CHST10: variants seen among roughly 807,000 people sequenced by gnomAD.
CHST10 encodes HNK-1 sulfotransferase.
A neutral mutation model predicts 34.7 loss-of-function variants in CHST10; 24 were observed. That is an observed-to-expected ratio of 0.69 (90% confidence interval 0.50 to 0.97). CHST10 has a LOEUF of 0.97. Ranked by LOEUF, CHST10 falls within the 50% of genes least tolerant of loss-of-function variation. The pLI, the probability that CHST10 is intolerant of heterozygous loss-of-function variation, is 0.00. For missense variants in CHST10, 402 were observed against 452.1 expected, an observed-to-expected ratio of 0.89 and a Z score of 1.00; for synonymous variants, 161 against 169.3, an observed-to-expected ratio of 0.95 and a Z score of 0.38.
rs561240441 is a variant in CHST10 at position 100,393,270 on chromosome 2, T to C, written c.1046A>G (p.Gln349Arg). The C allele has an allele frequency of 4.3e-6, 7 of 1,614,160 alleles. No individual in the cohort carries two copies. The African/African-American group carries it at 8.0e-5, about 18-fold the overall frequency. The stretch of plus-strand genomic sequence containing the variant: ...TTAGTTTAGCAAAAAGTCTGGTTTC[T>C]GGTACCCAAAGAGCTTAAAGTCCCC... ...FEGDFKLFGY[Q>R]KPDFLLN The change falls in exon 7 of 7, where the codon CAG becomes CGG. Residue 349 changes from glutamine to arginine, a missense_variant. Coordinates refer to ENST00000264249, the MANE Select transcript of CHST10 (RefSeq NM_004854.5).
chr2:100,392,863 CT>C lies in CHST10; in HGVS notation c.*381del. On this transcript the variant is annotated 3_prime_UTR_variant, in exon 7 of 7. Transcript: ENST00000264249. ...CCCACCAGTGATGGGTGAAGCCACCCTGACTAGCCAGGAGAACCTCAGGGGC... is the reference window on the plus strand; with the variant it reads ...CCCACCAGTGATGGGTGAAGCCACCCGACTAGCCAGGAGAACCTCAGGGGC... The C allele has an allele frequency of 4.5e-6, 1 of 222,402 alleles. No individual in the cohort carries two copies. Among genetic ancestry groups the C allele is most frequent in the Non-Finnish European group, 9.0e-6 (1 of 111,180 alleles). The allele number at this position is 222,402 out of a possible 1,614,324, so 13.8% of individuals were successfully genotyped here.
In CHST10 at chr2:100,417,604, G is replaced by C. The variant is rs977322841; in HGVS notation, c.-334C>G. ...CGCCCGGCGCGCTAGACCGGCTTTG[G>C]GGGCCAGAACGCCGGCACCGCCTCA... On this transcript the variant is annotated 5_prime_UTR_variant, in exon 1 of 7. Transcript: ENST00000264249. 6.6e-6 allele frequency: 1 copy of C among 151,314 alleles called. No individual in the cohort carries two copies. The highest frequency in any genetic ancestry group is 1.5e-5 in the Non-Finnish European group (1 of 67,792). The allele number at this position is 151,314 out of a possible 1,614,324, so 9.4% of individuals were successfully genotyped here. A position where few individuals can be genotyped will look rare whatever the true frequency, so the allele number is the denominator to read the frequency against.
At chr2:100,398,259 T>C in intron 4 of CHST10, 117 bp from the exon 5 acceptor site, 1 of 712,834 alleles carries the variant, frequency 1.4e-6, no homozygotes, top group South Asian at 1.9e-5. Context: ...CTTCTCTTCT[T>C]CCCTTCCTTG....
At chr2:100,403,618 T>A (rs7566156) in intron 3 of CHST10, among the ~76,000 whole-genome samples, 2 of 152,128 alleles carry the variant, frequency 1.3e-5, no homozygotes, top group African/African-American at 4.8e-5. Flanking sequence ...TGCACACCAC[T>A]GATGGGGGTT....
chr2:100,398,084 C>T lies in CHST10; in HGVS notation c.251G>A (p.Arg84His), dbSNP rs765386819. ...QLVQPLVYME[R>H]LELIRNVCRD... is the part of the protein sequence containing the mutation. ...GCAGACGTTTCTGATGAGTTCCAGG[C>T]GCTCCATGTAGACCAGGGGCTGAAC... Residue 84 changes from arginine to histidine, a missense_variant, in exon 5 of 7, where the codon CGC becomes CAC. Transcript: ENST00000264249. 11 of 1,613,982 alleles carry T rather than the reference C, an allele frequency of 6.8e-6. No individual in the cohort carries two copies. The highest frequency in any genetic ancestry group is 3.3e-5 in the South Asian group (3 of 91,074).
chr2:100,402,849 G>T (rs562883373), intron 3 of CHST10, among the ~76,000 whole-genome samples, 194 bp from the exon 4 acceptor site: 8 of 152,194 alleles, frequency 5.3e-5, no homozygotes, highest in Non-Finnish European at 1.0e-4. Flanking sequence ...TTCACACACG[G>T]AACAAACCTT....
chr2:100,393,115 C>A lies in CHST10; in HGVS notation c.*130G>T. Reference sequence around the variant, plus strand: ...CTGCGTCATATGCCGAGGCAACTCACAGGCCTGTGGGAGACCCCGGGCGTC... The same window carrying A: ...CTGCGTCATATGCCGAGGCAACTCAAAGGCCTGTGGGAGACCCCGGGCGTC... On this transcript the variant is annotated 3_prime_UTR_variant, in exon 7 of 7. Coordinates refer to ENST00000264249, the MANE Select transcript of CHST10 (RefSeq NM_004854.5). 2.1e-6 allele frequency: 2 copies of A among 937,122 alleles called. No individual in the cohort carries two copies. Among genetic ancestry groups the A allele is most frequent in the Non-Finnish European group, 3.2e-6 (2 of 617,356 alleles). 58.1% of individuals were successfully genotyped at this position (937,122 alleles called of 1,614,324 possible).
At chr2:100,398,209 G>C (rs534116633) in intron 4 of CHST10, 67 bp from the exon 5 acceptor site, 2 of 1,126,318 alleles carry the variant, frequency 1.8e-6, no homozygotes, top group Non-Finnish European at 2.6e-6. Context: ...GCCAAGCAGA[G>C]CCGCTCCTGC....
rs539165123 is a variant in CHST10 at position 100,410,327 on chromosome 2, C to T, written c.-32-3620G>A. 4.6e-5 allele frequency among the ~76,000 whole-genome samples: 7 copies of T among 152,342 alleles called. No individual in the cohort carries two copies. The South Asian group carries it at 6.2e-4, about 14-fold the overall frequency. On this transcript the variant is annotated intron_variant, in intron 2 of 6. Coordinates refer to ENST00000264249, the MANE Select transcript of CHST10 (RefSeq NM_004854.5). ...ACCACCCAGGTGGCACCCCCAGCACCGCTCTGCGCCACCTGACCTTGCTCC... is the reference window on the plus strand; with the variant it reads ...ACCACCCAGGTGGCACCCCCAGCACTGCTCTGCGCCACCTGACCTTGCTCC...
intron 6 of CHST10, among the ~76,000 whole-genome samples, chr2:100,394,561 G>A (rs765297144): frequency 4.6e-5 from 7 of 152,292 alleles, no homozygotes; most frequent in Admixed American, 2.0e-4. Context: ...CAGGTCAGGC[G>A]CCATGCAAGG....
At chr2:100,413,608 C>T (rs1675938981) in intron 2 of CHST10, among the ~76,000 whole-genome samples, 1 of 152,196 alleles carries the variant, frequency 6.6e-6, no homozygotes, top group South Asian at 2.1e-4. Context: ...TAATAACTAA[C>T]AATGGAAATG....
In CHST10 at chr2:100,393,114, A is replaced by C; in HGVS notation, c.*131T>G. The C allele has an allele frequency of 1.1e-6, 1 of 916,946 alleles. No individual in the cohort carries two copies. Among genetic ancestry groups the C allele is most frequent in the Non-Finnish European group, 1.7e-6 (1 of 599,224 alleles). The allele number at this position is 916,946 out of a possible 1,614,324, so 56.8% of individuals were successfully genotyped here. On this transcript the variant is annotated 3_prime_UTR_variant, in exon 7 of 7. Coordinates refer to ENST00000264249, the MANE Select transcript of CHST10 (RefSeq NM_004854.5). ...TCTGCGTCATATGCCGAGGCAACTC[A>C]CAGGCCTGTGGGAGACCCCGGGCGT...
intron 6 of CHST10, among the ~76,000 whole-genome samples, chr2:100,394,680 C>G (rs1349965827): frequency 6.6e-6 from 1 of 151,902 alleles, no homozygotes; most frequent in Non-Finnish European, 1.5e-5. Flanking sequence ...CACCTGAGAG[C>G]TACTACATGA....
chr2:100,397,630 G>A (rs1675120090), intron 5 of CHST10, among the ~76,000 whole-genome samples: 1 of 152,180 alleles, frequency 6.6e-6, no homozygotes, highest in Non-Finnish European at 1.5e-5. Context: ...GGGGCCTGGG[G>A]GTGGGCGAGC....
rs532656447 is a variant in CHST10, at chr2:100,417,378, C to A, written c.-108G>T. 6.3e-5 allele frequency: 20 copies of A among 317,484 alleles called. No homozygotes were observed. The allele number at this position is 317,484 out of a possible 1,614,324, so 19.7% of individuals were successfully genotyped here. The stretch of plus-strand genomic sequence containing the variant: ...CCTGCGCGTCCCCGAGCTCACCCTA[C>A]TGGAGCGGCGCTCGTCCGGGTCCTT... On this transcript the variant is annotated 5_prime_UTR_variant, in exon 1 of 7. Transcript: ENST00000264249.
intron 2 of CHST10, among the ~76,000 whole-genome samples, chr2:100,410,517 C>G (rs1675787520): frequency 6.6e-6 from 1 of 152,198 alleles, no homozygotes; most frequent in Admixed American, 6.5e-5. Context: ...GTCAATTGAG[C>G]AACTTACTAG....
intron 4 of CHST10, among the ~76,000 whole-genome samples, chr2:100,399,752 T>C (rs959127593): frequency 6.6e-6 from 1 of 152,128 alleles, no homozygotes; most frequent in African/African-American, 2.4e-5. Flanking sequence ...GGATGCTTTC[T>C]CCCTTGTGTG....
In CHST10 at chr2:100,402,601, T is replaced by G. The variant is rs372598930; in HGVS notation, c.155A>C (p.Lys52Thr). 1 of 1,613,844 alleles carries G rather than the reference T, an allele frequency of 6.2e-7. No homozygotes were observed. The highest frequency in any genetic ancestry group is 8.5e-7 in the Non-Finnish European group (1 of 1,179,888). ...LFLTTMPEVRKLPEEKHIPEE... is the reference protein window; with the variant it reads ...LFLTTMPEVRTLPEEKHIPEE... ...AGGAATGTGCTTCTCTTCTGGCAAC[T>G]TCCTCACTTCCGGCATGGTTGTCAG... The change falls in exon 4 of 7, where the codon AAG becomes ACG. Residue 52 changes from lysine to threonine, a missense_variant. Lys to Thr is a moderately conservative substitution (Grantham distance 78). Transcript: ENST00000264249.
chr2:100,403,860 G>A (rs1471689292), intron 3 of CHST10, among the ~76,000 whole-genome samples: 2 of 152,200 alleles, frequency 1.3e-5, no homozygotes, highest in African/African-American at 4.8e-5. Flanking sequence ...ATGGCCACGA[G>A]CTTAGAGGGG....
Sources: allele counts gnomAD v4.1 joint callset (sites outside exome capture counted in the v4.1 genomes callset), GRCh38; gene constraint gnomAD v4.1.1; transcripts MANE v1.5; gene names NCBI Gene and HGNC (gene_info 2026-07-23, HGNC 2026-07-21).